The following DHRSX variants were observed in gnomAD, a reference collection of about 807,000 sequenced individuals.
DHRSX encodes dehydrogenase/reductase X-linked.
A neutral mutation model predicts 34.0 loss-of-function variants in DHRSX; 31 were observed. That is an observed-to-expected ratio of 0.91 (90% confidence interval 0.69 to 1.23). The LOEUF is 1.23. Among genes scored for constraint, DHRSX ranks in the 50% most tolerant of loss-of-function variants. The pLI is 0.00. For missense variants in DHRSX, 414 were observed against 428.1 expected, an observed-to-expected ratio of 0.97 and a Z score of 0.29; for synonymous variants, 201 against 183.8, an observed-to-expected ratio of 1.09 and a Z score of -0.76.
chrX:2,365,561 T>G (rs747330198), intron 3 of DHRSX, among the ~76,000 whole-genome samples: 1 of 152,070 alleles, frequency 6.6e-6, no homozygotes, highest in South Asian at 2.1e-4. Flanking sequence ...ACTTACAATC[T>G]CTTTACTTCT....
intron 3 of DHRSX, among the ~76,000 whole-genome samples, chrX:2,351,084 G>A (rs965840946): frequency 1.3e-5 from 2 of 152,088 alleles, no homozygotes; most frequent in African/African-American, 4.8e-5. Context: ...CTGTCAGGGA[G>A]CTGGGGGCAA....
At chrX:2,352,777 C>T (rs974694799) in intron 3 of DHRSX, among the ~76,000 whole-genome samples, 1 of 152,132 alleles carries the variant, frequency 6.6e-6, no homozygotes, top group African/African-American at 2.4e-5. Context: ...TAAAACAGAC[C>T]TACAAGACCA....
chrX:2,482,818 A>T (rs1043610900), intron 1 of DHRSX, among the ~76,000 whole-genome samples: 30 of 152,276 alleles, frequency 2.0e-4, no homozygotes, highest in African/African-American at 7.2e-4. Context: ...CCCCAGGGTA[A>T]GAACGCACAA....
intron 3 of DHRSX, among the ~76,000 whole-genome samples, chrX:2,344,886 T>C (rs1230547934): frequency 1.1e-5 from 1 of 88,616 alleles, no homozygotes; most frequent in Non-Finnish European, 2.6e-5. Context: ...TATATATATA[T>C]ATATATATAT....
rs964615338 is a variant in DHRSX at position 2,404,417 on chromosome X, T to A, written c.286+4328A>T. On this transcript the variant is annotated intron_variant, in intron 3 of 6. Transcript: ENST00000334651. ...CCTGTCACAGATGAAACAGGAATTTTAAAAAATTTAAAAATGTATAAGCAA... is the reference window on the plus strand; with the variant it reads ...CCTGTCACAGATGAAACAGGAATTTAAAAAAATTTAAAAATGTATAAGCAA... Among the ~76,000 whole-genome samples the A allele has an allele frequency of 5.9e-5, 9 of 152,280 alleles. No homozygotes were observed. The East Asian group carries it at 1.3e-3, about 23-fold the overall frequency.
intron 6 of DHRSX, among the ~76,000 whole-genome samples, chrX:2,229,954 T>G (rs1253179526): frequency 6.6e-6 from 1 of 152,132 alleles, no homozygotes; most frequent in Middle Eastern, 3.2e-3. Context: ...TGTGCATGTG[T>G]CGATAGGAAT....
intron 1 of DHRSX, among the ~76,000 whole-genome samples, chrX:2,453,430 G>A (rs185900216): frequency 3.3e-5 from 5 of 151,972 alleles, no homozygotes; most frequent in African/African-American, 1.2e-4. Context: ...CCAGCTACAT[G>A]GGAGGCTGAG....
chrX:2,363,822 C>T (rs1444794823), intron 3 of DHRSX, among the ~76,000 whole-genome samples: 9 of 151,188 alleles, frequency 6.0e-5, no homozygotes, highest in Admixed American at 2.0e-4. Context: ...CACTGTTCTA[C>T]GAATAATAAC....
chrX:2,284,587 T>G (rs780804932), intron 4 of DHRSX, among the ~76,000 whole-genome samples: 2 of 152,338 alleles, frequency 1.3e-5, no homozygotes, highest in South Asian at 4.1e-4. Flanking sequence ...AGAAAGAAAT[T>G]CATCCATTAG....
chrX:2,442,836 G>C (rs911889492), intron 1 of DHRSX, among the ~76,000 whole-genome samples: 12 of 152,108 alleles, frequency 7.9e-5, no homozygotes, highest in African/African-American at 2.9e-4. Flanking sequence ...TGTACTAACA[G>C]AGAATGCTAT....
At chrX:2,394,116 G>A (rs1346546376) in intron 3 of DHRSX, among the ~76,000 whole-genome samples, 1 of 152,212 alleles carries the variant, frequency 6.6e-6, no homozygotes, top group Non-Finnish European at 1.5e-5. Context: ...CGGATGGAAG[G>A]CTGCTTGTGT....
Position 2,346,656 on chromosome X carries a change from G to T in DHRSX, c.287-55053C>A, listed in dbSNP as rs774110637. Among the ~76,000 whole-genome samples, 304 of 128,984 alleles carry T rather than the reference G, an allele frequency of 2.4e-3. 5 individuals are homozygous for T. The East Asian group carries it at 0.034, about 15-fold the overall frequency. The allele number at this position is 128,984 out of a possible 152,430, so 84.6% of individuals were successfully genotyped here. On this transcript the variant is annotated intron_variant, in intron 3 of 6. Transcript: ENST00000334651. ...GTTGTATGAGTCTGGTTTTTTTTTT[G>T]TTGTTGTTGTTTAATACTTTAAGTC...
chrX:2,343,881 T>C (rs1474023643), intron 3 of DHRSX, among the ~76,000 whole-genome samples: 1 of 152,196 alleles, frequency 6.6e-6, no homozygotes, highest in Non-Finnish European at 1.5e-5. Flanking sequence ...CTGACTGACT[T>C]GGGTCACAGC....
intron 2 of DHRSX, among the ~76,000 whole-genome samples, chrX:2,414,340 T>C (rs751637789): frequency 6.6e-6 from 1 of 151,848 alleles, no homozygotes; most frequent in South Asian, 2.1e-4. Flanking sequence ...CTAGTCCTCA[T>C]CATGACCTAA....
At chrX:2,244,109 C>A (rs1414649413) in intron 5 of DHRSX, among the ~76,000 whole-genome samples, 1 of 152,024 alleles carries the variant, frequency 6.6e-6, no homozygotes, top group East Asian at 1.9e-4. Context: ...TCATAAAAGA[C>A]AACCACACAA....
intron 1 of DHRSX, chrX:2,488,443 G>A: frequency 1.4e-6 from 1 of 699,086 alleles, no homozygotes; most frequent in Non-Finnish European, 2.2e-6. Flanking sequence ...CCAAAGTGCT[G>A]CGATTATAGA....
At chrX:2,465,103 GCCCAGGGACAGCCACCGTGTACA>G in intron 1 of DHRSX, among the ~76,000 whole-genome samples, 1 of 152,026 alleles carries the variant, frequency 6.6e-6, no homozygotes, top group Non-Finnish European at 1.5e-5. Flanking sequence ...TAAGCATGCG[GCCCAGGGACAGCCACCGTGTACA>G]CACTGAAGAC....
intron 3 of DHRSX, among the ~76,000 whole-genome samples, chrX:2,361,334 T>C (rs1270028320): frequency 6.6e-6 from 1 of 152,124 alleles, no homozygotes; most frequent in East Asian, 1.9e-4. Context: ...CTCAAACTCC[T>C]GACTTCGTGA....
Position 2,500,835 on chromosome X carries a change from C to CGCGGCAGCGCCGCA in DHRSX, c.77_90dup (p.Gly31CysfsTer22). ...CGCTGACCTGGCTCCAGGAAGCCCC[C>CGCGGCAGCGCCGCA]GCGGCAGCGCCGCAGCAGCTGCGCC... On this transcript the variant is annotated frameshift_variant, in exon 1 of 7. Coordinates refer to ENST00000334651, the MANE Select transcript of DHRSX (RefSeq NM_145177.3). LOFTEE classifies it high-confidence loss of function. 8.7e-7 allele frequency: 1 copy of CGCGGCAGCGCCGCA among 1,143,412 alleles called. No individual in the cohort carries two copies. The highest frequency in any genetic ancestry group is 1.1e-6 in the Non-Finnish European group (1 of 928,938). 70.8% of individuals were successfully genotyped at this position (1,143,412 alleles called of 1,614,324 possible).
Sources: gnomAD v4.1 joint callset for allele counts (sites outside exome capture counted in the v4.1 genomes callset) on GRCh38, gnomAD v4.1.1 for gene constraint, MANE v1.5 for transcripts, NCBI Gene and HGNC (gene_info 2026-07-23, HGNC 2026-07-21) for gene names.